Variants in MYH9 observed in about 807,000 individuals in gnomAD.
The protein encoded by MYH9 is myosin-9.
A neutral mutation model predicts 241.9 loss-of-function variants in MYH9; 29 were observed. The ratio of observed to expected loss-of-function variants is 0.12; its 90% CI spans 0.09 to 0.16. The LOEUF (loss-of-function observed/expected upper bound fraction) is 0.16. Ranked by LOEUF, MYH9 falls within the 10% of genes least tolerant of loss-of-function variation. The probability of loss-of-function intolerance (pLI) is 1.00; values close to 1 mark genes in which losing one functional copy is unlikely to be tolerated. For synonymous variants in MYH9, 1,047 were observed against 1,062.6 expected (o/e 0.99, Z 0.29); for missense variants, 1,803 against 2,595.5 (o/e 0.69, Z 6.63).
At position 36,304,089 on chromosome 22, in the gene MYH9, C is replaced by T. The variant is rs757850500; in HGVS notation, c.2296G>A (p.Gly766Ser). Reference sequence around the variant, plus strand: ...TCCTCCTCCAGGTGGGCCAGCACACCGGCACGGAAGAAGACTTTGCTCTGG... The same window carrying T: ...TCCTCCTCCAGGTGGGCCAGCACACTGGCACGGAAGAAGACTTTGCTCTGG... ...IGQSKVFFRA[G>S]VLAHLEEERD... Residue 766 changes from glycine to serine, a missense_variant, in exon 19 of 41, where the codon GGT becomes AGT. Transcript: ENST00000216181. 11 of 1,613,856 alleles carry T rather than the reference C, an allele frequency of 6.8e-6. No homozygotes were observed. Among genetic ancestry groups the T allele is most frequent in the South Asian group, 4.4e-5 (4 of 91,086 alleles).
At chr22:36,311,722 C>G (rs1164736290) in intron 14 of MYH9, among the ~76,000 whole-genome samples, 2 of 152,178 alleles carry the variant, frequency 1.3e-5, no homozygotes, top group Admixed American at 1.3e-4. Context: ...AGTGGCAGAG[C>G]TCTATTCAAA....
chr22:36,327,601 CTT>C, intron 3 of MYH9, 113 bp from the exon 4 acceptor site: 1 of 1,250,686 alleles, frequency 8.0e-7, no homozygotes, highest in Non-Finnish European at 1.2e-6. Context: ...CAGATGCTGT[CTT>C]TGTGGGGATC....
intron 3 of MYH9, among the ~76,000 whole-genome samples, chr22:36,338,966 T>C (rs1345741834): frequency 6.6e-6 from 1 of 152,242 alleles, no homozygotes; most frequent in African/African-American, 2.4e-5. Flanking sequence ...TAAGTTCCTA[T>C]GAAGGCCATT....
chr22:36,364,110 T>C (rs1299129141), intron 1 of MYH9, among the ~76,000 whole-genome samples: 1 of 152,202 alleles, frequency 6.6e-6, no homozygotes, highest in Non-Finnish European at 1.5e-5. Context: ...TGCTGAGAAG[T>C]GCAACCAGAG....
intron 1 of MYH9, among the ~76,000 whole-genome samples, chr22:36,362,111 A>AG (rs2146406976): frequency 6.6e-6 from 1 of 152,250 alleles, no homozygotes; most frequent in Non-Finnish European, 1.5e-5. Flanking sequence ...ACCTGCATGG[A>AG]GGGGGCAATG....
chr22:36,285,427 C>A lies in MYH9; in HGVS notation c.5275-98G>T. ...AGGTGGCAGCAGGATCCCACCAAAC[C>A]CTTGGGGTCCAGAGTCTTGGGTCTC... On this transcript the variant is annotated intron_variant, in intron 37 of 40. Transcript: ENST00000216181. This position sits in a 1 kb window ranked among gnomAD's most constrained non-coding sequence, Gnocchi z 7.0. The A allele has an allele frequency of 7.1e-7, 1 of 1,407,508 alleles. No individual in the cohort carries two copies. The highest frequency in any genetic ancestry group is 1.4e-5 in the African/African-American group (1 of 71,006). 87.2% of individuals were successfully genotyped at this position (1,407,508 alleles called of 1,614,324 possible). A position where few individuals can be genotyped will look rare whatever the true frequency, so the allele number is the denominator to read the frequency against.
chr22:36,327,568 C>A, intron 3 of MYH9, 80 bp from the exon 4 acceptor site: 1 of 1,524,776 alleles, frequency 6.6e-7, no homozygotes, highest in South Asian at 1.1e-5. Context: ...CTGCCCGTTT[C>A]CCAGACAGGG....
At chr22:36,302,217 G>A (rs755353718) in intron 20 of MYH9, 7 of 289,512 alleles carry the variant, frequency 2.4e-5, no homozygotes, top group South Asian at 1.1e-4. Context: ...GGCTTTTTGT[G>A]AGTTGGTTTT....
intron 9 of MYH9, chr22:36,319,981 G>A (rs1329050697): frequency 3.5e-5 from 22 of 625,960 alleles, no homozygotes; most frequent in Non-Finnish European, 5.6e-5. Flanking sequence ...CAGTGGACCC[G>A]AGTCCTGGGC....
At chr22:36,361,619 C>G (rs1479343306) in intron 1 of MYH9, among the ~76,000 whole-genome samples, 1 of 152,118 alleles carries the variant, frequency 6.6e-6, no homozygotes, top group Non-Finnish European at 1.5e-5. Flanking sequence ...CATAGAGTCC[C>G]TCCTCCTGCA....
chr22:36,314,289 A>G lies in MYH9; in HGVS notation c.1410T>C (p.Asn470=). Reference sequence around the variant, plus strand: ...GCTGCTGCAGCTTCTCATTGGTGTAATTGATGCACAGCTGCTCAAACGAGT... The same window carrying G: ...GCTGCTGCAGCTTCTCATTGGTGTAGTTGATGCACAGCTGCTCAAACGAGT... The part of the protein sequence containing the change: ...DLNSFEQLCI[N]YTNEKLQQLF... Residue 470 remains asparagine (N), a synonymous_variant, in exon 13 of 41, where the codon AAT becomes AAC. Transcript: ENST00000216181. 6.2e-7 allele frequency: 1 copy of G among 1,614,214 alleles called. No individual in the cohort carries two copies. The highest frequency in any genetic ancestry group is 8.5e-7 in the Non-Finnish European group (1 of 1,180,042).
Position 36,320,813 on chromosome 22 carries a change from C to T in MYH9, c.853G>A (p.Gly285Arg). 1 of 1,613,996 alleles carries T rather than the reference C, an allele frequency of 6.2e-7. No individual in the cohort carries two copies. The highest frequency in any genetic ancestry group is 8.5e-7 in the Non-Finnish European group (1 of 1,179,868). The change falls in exon 8 of 41, where the codon GGA becomes AGA. Residue 285 changes from glycine (G) to arginine (R), a missense_variant. Gly to Arg is a moderately radical substitution (Grantham distance 125). Around this residue, in one of 11 missense-constraint regions of MYH9, gnomAD observed 222 missense variants for 359.9 expected, o/e 0.62. Transcript: ENST00000216181. This position sits in a 1 kb window ranked among gnomAD's most constrained non-coding sequence, Gnocchi z 4.8. Reference sequence around the variant, plus strand: ...AACTACTCACTCTTCAGGTGCTCTCCAGCCCCAGACAGGAGATAATAGAAG... The same window carrying T: ...AACTACTCACTCTTCAGGTGCTCTCTAGCCCCAGACAGGAGATAATAGAAG... ...HIFYYLLSGAGEHLKTDLLLE... is the reference protein window; with the variant it reads ...HIFYYLLSGAREHLKTDLLLE...
intron 27 of MYH9, 65 bp from the exon 28 acceptor site, chr22:36,294,363 T>A: frequency 1.3e-6 from 2 of 1,539,992 alleles, no homozygotes; most frequent in Non-Finnish European, 8.9e-7. Context: ...TGGTCTATCA[T>A]CACTGGACCC....
intron 1 of MYH9, among the ~76,000 whole-genome samples, chr22:36,367,308 G>T (rs923364384): frequency 6.6e-6 from 1 of 152,142 alleles, no homozygotes; most frequent in African/African-American, 2.4e-5. Context: ...ACTGCTCTGG[G>T]GTGCCCTGGA....
At chr22:36,357,338 C>A (rs1008406061) in intron 1 of MYH9, among the ~76,000 whole-genome samples, 6 of 152,152 alleles carry the variant, frequency 3.9e-5, no homozygotes, top group Non-Finnish European at 7.3e-5. Flanking sequence ...CAAGAGCCAA[C>A]GTACAGGAAG....
intron 40 of MYH9, among the ~76,000 whole-genome samples, chr22:36,283,095 C>T (rs2016519387): frequency 6.6e-6 from 1 of 152,212 alleles, no homozygotes; most frequent in Non-Finnish European, 1.5e-5. Context: ...TGTAAAATGC[C>T]ATCCTCTGTT....
chr22:36,328,230 C>G (rs1192446188), intron 3 of MYH9, among the ~76,000 whole-genome samples: 1 of 152,208 alleles, frequency 6.6e-6, no homozygotes, highest in African/African-American at 2.4e-5. Flanking sequence ...GAACTTTCAG[C>G]AACTATCAAC....
Position 36,293,851 on chromosome 22 carries a change from T to C in MYH9, c.3850A>G (p.Asn1284Asp), listed in dbSNP as rs1316452838. 2 of 1,613,490 alleles carry C rather than the reference T, an allele frequency of 1.2e-6. No individual in the cohort carries two copies. The highest frequency in any genetic ancestry group is 1.1e-5 in the South Asian group (1 of 91,010). ...KVTKLQVELD[N>D]VTGLLSQSDS... Reference sequence around the variant, plus strand: ...GACTGGCTGAGAAGCCCGGTCACGTTGTCCAGCTCCACCTGCACCGGGCGG... The same window carrying C: ...GACTGGCTGAGAAGCCCGGTCACGTCGTCCAGCTCCACCTGCACCGGGCGG... Residue 1284 changes from asparagine (N) to aspartate (D), a missense_variant, in exon 29 of 41, where the codon AAC (asparagine) becomes GAC (aspartate). By Grantham distance (23) the Asn-to-Asp change is conservative (BLOSUM62 1). Around this residue, in one of 11 missense-constraint regions of MYH9, gnomAD observed 876 missense variants for 1,077.8 expected, o/e 0.81. Transcript: ENST00000216181. This position sits in a 1 kb window ranked among gnomAD's most constrained non-coding sequence, Gnocchi z 5.1.
chr22:36,340,705 C>T (rs534911432), intron 3 of MYH9, among the ~76,000 whole-genome samples: 2 of 151,582 alleles, frequency 1.3e-5, no homozygotes, highest in Admixed American at 6.6e-5. Flanking sequence ...AGAGACTGTC[C>T]GATGCTGGGG....
Sources: allele counts gnomAD v4.1 joint callset (sites outside exome capture counted in the v4.1 genomes callset), GRCh38; gene constraint gnomAD v4.1.1; regional missense constraint gnomAD v4.1.1; non-coding constraint Gnocchi (gnomAD v3.1); transcripts MANE v1.5; gene names NCBI Gene and HGNC (gene_info 2026-07-23, HGNC 2026-07-21).